FRMD6: variants seen among roughly 807,000 people sequenced by gnomAD.
FRMD6 encodes the protein FERM domain containing 6.
Under a neutral mutation model 73.2 loss-of-function variants are expected in FRMD6, and 37 were observed. The ratio of observed to expected loss-of-function variants is 0.51; its 90% CI spans 0.39 to 0.66. The LOEUF is 0.66. Ranked by LOEUF, FRMD6 falls within the 30% of genes least tolerant of loss-of-function variation. FRMD6 has a pLI of 0.00. For missense variants in FRMD6, 714 were observed against 780.5 expected, an observed-to-expected ratio of 0.91 and a Z score of 1.02; for synonymous variants, 273 against 282.2, an observed-to-expected ratio of 0.97 and a Z score of 0.33.
At chr14:51,412,385 C>T in the FRMD6 span, among the ~76,000 whole-genome samples, 23 of 152,038 alleles carry the variant, frequency 1.5e-4, no homozygotes, top group Admixed American at 1.2e-3. Context: ...GTTAATGATG[C>T]GCCCAGGAGA....
At chr14:51,618,608 T>C (rs1890801350) in intron 2 of FRMD6, among the ~76,000 whole-genome samples, 1 of 152,084 alleles carries the variant, frequency 6.6e-6, no homozygotes, top group Non-Finnish European at 1.5e-5. Flanking sequence ...TAACAGGACT[T>C]GCTGATAGGT....
At position 51,700,984 on chromosome 14, in the gene FRMD6, GTTTC is replaced by G. The variant is rs555897185; in HGVS notation, c.191-66_191-63del. The G allele has an allele frequency of 5.9e-4, 400 of 675,106 alleles. 2 individuals carry two copies. The African/African-American group carries it at 6.7e-3, about 11-fold the overall frequency. 41.8% of individuals were successfully genotyped at this position (675,106 alleles called of 1,614,324 possible). A position where few individuals can be genotyped will look rare whatever the true frequency, so the allele number is the denominator to read the frequency against. The stretch of plus-strand genomic sequence containing the variant: ...AGTCTTGAGGCTTTAAAAGAAACTT[GTTTC>G]TTTCTATATTTTTTTTCTTTTAAAA... On this transcript the variant is annotated intron_variant, in intron 3 of 13. Coordinates refer to ENST00000344768, the MANE Select transcript of FRMD6 (RefSeq NM_001267046.2).
intron 10 of FRMD6, among the ~76,000 whole-genome samples, chr14:51,719,556 T>C (rs894680615): frequency 6.6e-6 from 1 of 152,230 alleles, no homozygotes; most frequent in African/African-American, 2.4e-5. Context: ...GAATGGCAAT[T>C]AGCATAATTG....
intron 1 of FRMD6, among the ~76,000 whole-genome samples, chr14:51,501,991 A>C (rs1359329268): frequency 6.6e-6 from 1 of 152,148 alleles, no homozygotes; most frequent in Non-Finnish European, 1.5e-5. Context: ...TTGATCTTCT[A>C]TTCATATACT....
At chr14:51,645,362 C>T (rs1478637321) in intron 2 of FRMD6, among the ~76,000 whole-genome samples, 1 of 152,126 alleles carries the variant, frequency 6.6e-6, no homozygotes, top group African/African-American at 2.4e-5. Context: ...GTAGGGTGTC[C>T]CTTGGAGGCT....
chr14:51,516,703 C>T (rs569097060), intron 1 of FRMD6, among the ~76,000 whole-genome samples: 2 of 152,078 alleles, frequency 1.3e-5, no homozygotes, highest in Non-Finnish European at 2.9e-5. Context: ...AAGCTGTGGG[C>T]TTAAAACTCA....
chr14:51,663,176 A>G (rs1893346556), intron 1 of FRMD6, among the ~76,000 whole-genome samples: 1 of 152,238 alleles, frequency 6.6e-6, no homozygotes, highest in South Asian at 2.1e-4. Context: ...GGGAGTGTAA[A>G]TTAGTTCCAC....
chr14:51,717,984 C>G (rs537594626), intron 10 of FRMD6, among the ~76,000 whole-genome samples: 1 of 152,106 alleles, frequency 6.6e-6, no homozygotes, highest in Admixed American at 6.5e-5. Context: ...TCCAAAGTAG[C>G]GTATGAAAAA....
intron 2 of FRMD6, among the ~76,000 whole-genome samples, chr14:51,628,146 C>T (rs1324234785): frequency 6.6e-6 from 1 of 152,116 alleles, no homozygotes; most frequent in East Asian, 1.9e-4. Flanking sequence ...GATGCAGAAT[C>T]CATGCATATG....
chr14:51,588,366 C>T (rs1475023849), intron 2 of FRMD6, among the ~76,000 whole-genome samples: 1 of 151,988 alleles, frequency 6.6e-6, no homozygotes, highest in African/African-American at 2.4e-5. Flanking sequence ...TCTTGGTGTG[C>T]TGCACCCATT....
At chr14:51,496,078 G>T (rs1462251942) in intron 1 of FRMD6, among the ~76,000 whole-genome samples, 1 of 152,074 alleles carries the variant, frequency 6.6e-6, no homozygotes, top group African/African-American at 2.4e-5. Flanking sequence ...TTCCATCTTG[G>T]CCACTCATTC....
intron 2 of FRMD6, among the ~76,000 whole-genome samples, chr14:51,581,076 G>C (rs111393684): frequency 0.038 from 5,800 of 152,268 alleles, 164 homozygotes; most frequent in Non-Finnish European, 0.055. Context: ...ATAGAAAGCA[G>C]ATATATAAAC....
intron 4 of FRMD6, among the ~76,000 whole-genome samples, chr14:51,701,993 T>A (rs1896353691): frequency 6.6e-6 from 1 of 151,944 alleles, no homozygotes; most frequent in Non-Finnish European, 1.5e-5. Flanking sequence ...AAGTCAGGAA[T>A]AGTAATCCTA....
chr14:51,398,067 C>T, the FRMD6 span, among the ~76,000 whole-genome samples: 1 of 151,756 alleles, frequency 6.6e-6, no homozygotes, highest in Non-Finnish European at 1.5e-5. Context: ...TCTCTAGAAC[C>T]AAAAGGGGGA....
intron 10 of FRMD6, among the ~76,000 whole-genome samples, chr14:51,716,953 T>C (rs1467850411): frequency 2.0e-5 from 3 of 152,352 alleles, no homozygotes; most frequent in East Asian, 1.9e-4. Flanking sequence ...CCTTGAGAAG[T>C]TGATTTGTTC....
intron 1 of FRMD6, among the ~76,000 whole-genome samples, chr14:51,497,072 T>C (rs1380997983): frequency 3.3e-5 from 5 of 152,004 alleles, no homozygotes; most frequent in African/African-American, 1.2e-4. Flanking sequence ...AAAAGGAGGG[T>C]AATGGAGGCA....
chr14:51,666,677 A>T (rs1322590486), intron 1 of FRMD6, among the ~76,000 whole-genome samples: 1 of 152,240 alleles, frequency 6.6e-6, no homozygotes, highest in East Asian at 1.9e-4. Flanking sequence ...TTGTAACAAA[A>T]TAATAGTTAA....
At chr14:51,563,542 T>C (rs1049977531) in intron 1 of FRMD6, among the ~76,000 whole-genome samples, 103 of 152,104 alleles carry the variant, frequency 6.8e-4, no homozygotes, top group African/African-American at 2.4e-3. Flanking sequence ...TGGTGGTGGG[T>C]GCCTGTAATC....
chr14:51,515,389 G>A (rs1884568166), intron 1 of FRMD6, among the ~76,000 whole-genome samples: 1 of 152,152 alleles, frequency 6.6e-6, no homozygotes, highest in African/African-American at 2.4e-5. Flanking sequence ...ATGCCTACTG[G>A]CTGCCTCCCT....
Sources: allele counts gnomAD v4.1 joint callset (sites outside exome capture counted in the v4.1 genomes callset), GRCh38; gene constraint gnomAD v4.1.1; transcripts MANE v1.5; gene names NCBI Gene and HGNC (gene_info 2026-07-23, HGNC 2026-07-21).